NIBAN1: variants seen among roughly 807,000 people sequenced by gnomAD.
NIBAN1 encodes the protein niban apoptosis regulator 1.
NIBAN1 carries 81 observed loss-of-function variants against 75.1 expected under a neutral mutation model. That is an observed-to-expected ratio of 1.08 (90% CI 0.90 to 1.30). The LOEUF is 1.30. Among genes scored for constraint, NIBAN1 ranks in the 50% most tolerant of loss-of-function variants. NIBAN1 has a pLI of 0.00. For synonymous variants in NIBAN1, 436 were observed against 424.8 expected, an observed-to-expected ratio of 1.03 and a Z score of -0.32; for missense variants, 1,133 against 1,128.1, an observed-to-expected ratio of 1.00 and a Z score of -0.06.
chr1:184,905,425 T>C (rs986820959), intron 1 of NIBAN1, among the ~76,000 whole-genome samples: 3 of 152,096 alleles, frequency 2.0e-5, no homozygotes. Context: ...TCACTATCTT[T>C]GTAAGAAAAA....
chr1:184,941,598 T>G (rs568894947), intron 1 of NIBAN1, among the ~76,000 whole-genome samples: 169 of 138,614 alleles, frequency 1.2e-3, no homozygotes, highest in African/African-American at 4.4e-3. Context: ...TGCAGTTAGC[T>G]AAGATCGCAC....
At chr1:184,879,762 G>A (rs1376416045) in intron 5 of NIBAN1, among the ~76,000 whole-genome samples, 1 of 152,184 alleles carries the variant, frequency 6.6e-6, no homozygotes, top group African/African-American at 2.4e-5. Flanking sequence ...AAGAGCTTAA[G>A]GCATGTAATA....
At position 184,938,339 on chromosome 1, in the gene NIBAN1, G is replaced by A. The variant is rs79535644; in HGVS notation, c.55+35963C>T. Among the ~76,000 whole-genome samples the A allele has an allele frequency of 4.7e-4, 72 of 152,174 alleles. 1 individual carries two copies. The East Asian group carries it at 0.013, about 28-fold the overall frequency. On this transcript the variant is annotated intron_variant, in intron 1 of 13. Transcript: ENST00000367511. ...ACTATTTAGTGGGGGGTTGTTTGTGGCAGGTAATGGAGAGGGAAGAGATAA... is the reference window on the plus strand; with the variant it reads ...ACTATTTAGTGGGGGGTTGTTTGTGACAGGTAATGGAGAGGGAAGAGATAA...
chr1:184,884,530 G>A, intron 5 of NIBAN1, 103 bp downstream of exon 5: 2 of 1,481,816 alleles, frequency 1.3e-6, no homozygotes, highest in South Asian at 2.6e-5. Flanking sequence ...TGGCTCATCT[G>A]TGGCTCTTTC....
intron 1 of NIBAN1, among the ~76,000 whole-genome samples, chr1:184,965,739 G>A (rs1251240579): frequency 6.6e-6 from 1 of 152,116 alleles, no homozygotes; most frequent in Non-Finnish European, 1.5e-5. Flanking sequence ...TGTACAACAA[G>A]CCCCCACGGC....
At chr1:184,914,965 G>A (rs944947224) in intron 1 of NIBAN1, among the ~76,000 whole-genome samples, 25 of 152,208 alleles carry the variant, frequency 1.6e-4, no homozygotes, top group Admixed American at 3.9e-4. Flanking sequence ...CTCGTGATCC[G>A]CCTGCCTTGG....
chr1:184,854,431 A>G (rs1655623085), intron 5 of NIBAN1, among the ~76,000 whole-genome samples: 2 of 152,232 alleles, frequency 1.3e-5, no homozygotes, highest in South Asian at 4.1e-4. Context: ...CAGGATCGGA[A>G]TAATGCACAA....
chr1:184,805,711 G>C (rs1381140478), intron 11 of NIBAN1, among the ~76,000 whole-genome samples: 1 of 152,126 alleles, frequency 6.6e-6, no homozygotes. Context: ...GCTGGGACGC[G>C]GGGCCTGTAG....
At chr1:184,839,724 T>A (rs1655233794) in intron 5 of NIBAN1, among the ~76,000 whole-genome samples, 1 of 152,038 alleles carries the variant, frequency 6.6e-6, no homozygotes, top group African/African-American at 2.4e-5. Flanking sequence ...GTCTCCTGAG[T>A]AGCTGGGATT....
At chr1:184,896,351 G>A (rs1656801416) in intron 2 of NIBAN1, among the ~76,000 whole-genome samples, 3 of 152,064 alleles carry the variant, frequency 2.0e-5, no homozygotes, top group African/African-American at 7.2e-5. Context: ...CCACTTGTAT[G>A]TCTTCTTTTG....
intron 1 of NIBAN1, among the ~76,000 whole-genome samples, chr1:184,966,103 AG>A (rs1658779430): frequency 1.3e-5 from 2 of 152,236 alleles, no homozygotes; most frequent in Admixed American, 1.3e-4. Flanking sequence ...TTATTATAAA[AG>A]CTAGGATTAG....
At chr1:184,922,668 A>G (rs1344728146) in intron 1 of NIBAN1, among the ~76,000 whole-genome samples, 1 of 152,098 alleles carries the variant, frequency 6.6e-6, no homozygotes, top group East Asian at 1.9e-4. Context: ...GTGCAATGGC[A>G]CAATCTCAGC....
chr1:184,940,288 T>C (rs1243029534), intron 1 of NIBAN1, among the ~76,000 whole-genome samples: 1 of 152,200 alleles, frequency 6.6e-6, no homozygotes, highest in Non-Finnish European at 1.5e-5. Flanking sequence ...AGAGGCTAAA[T>C]ACAATCTCCA....
chr1:184,866,438 T>C (rs1037215472), intron 5 of NIBAN1, among the ~76,000 whole-genome samples: 10 of 152,194 alleles, frequency 6.6e-5, no homozygotes, highest in Admixed American at 6.5e-5. Flanking sequence ...AATAGTGTTA[T>C]AATTCTAGGA....
intron 1 of NIBAN1, among the ~76,000 whole-genome samples, chr1:184,955,362 C>CCTTTCCTTT (rs1658461699): frequency 6.9e-6 from 1 of 145,438 alleles, no homozygotes; most frequent in African/African-American, 2.6e-5. Context: ...CTTTCCTTTT[C>CCTTTCCTTT]TTTTTTGTTT....
chr1:184,932,709 T>C (rs1320971833), intron 1 of NIBAN1, among the ~76,000 whole-genome samples: 5 of 152,198 alleles, frequency 3.3e-5, no homozygotes, highest in Admixed American at 6.5e-5. Flanking sequence ...ATTTGACTTA[T>C]TTGACTTAAA....
At position 184,793,140 on chromosome 1, in the gene NIBAN1, GATATTTTA is replaced by G. The variant is rs1280946137; in HGVS notation, c.*1829_*1836del. 6.6e-6 allele frequency: 1 copy of G among 152,018 alleles called. No individual in the cohort carries two copies. Among genetic ancestry groups the G allele is most frequent in the African/African-American group, 2.4e-5 (1 of 41,432 alleles). 9.4% of individuals were successfully genotyped at this position (152,018 alleles called of 1,614,324 possible). ...TCTTCATGGGAGGGCTGAAAAGGGT[GATATTTTA>G]ATTTCTGGTTAAATGGTTGAACTGT... is the stretch of plus-strand genomic sequence containing the variant. On this transcript the variant is annotated 3_prime_UTR_variant, in exon 14 of 14. Coordinates refer to ENST00000367511, the MANE Select transcript of NIBAN1 (RefSeq NM_052966.4).
chr1:184,861,632 A>C (rs546932248), intron 5 of NIBAN1, among the ~76,000 whole-genome samples: 1 of 142,810 alleles, frequency 7.0e-6, no homozygotes, highest in East Asian at 2.2e-4. Flanking sequence ...AAGGAAGGAA[A>C]GAGAAAAGGA....
intron 5 of NIBAN1, among the ~76,000 whole-genome samples, chr1:184,851,699 A>T (rs906780031): frequency 1.3e-5 from 2 of 152,142 alleles, no homozygotes; most frequent in African/African-American, 4.8e-5. Context: ...TATCCTGATT[A>T]AGTAATGCAA....
Sources: gnomAD v4.1 joint callset for allele counts (sites outside exome capture counted in the v4.1 genomes callset) on GRCh38, gnomAD v4.1.1 for gene constraint, MANE v1.5 for transcripts, NCBI Gene and HGNC (gene_info 2026-07-23, HGNC 2026-07-21) for gene names.